Variants in ERC2 observed in about 807,000 individuals in gnomAD.
The protein encoded by ERC2 is ELKS/RAB6-interacting/CAST family member 2, also known as ERC protein 2.
Under a neutral mutation model 114.8 loss-of-function variants are expected in ERC2, and 42 were observed. That is an observed-to-expected ratio of 0.37 (90% CI 0.29 to 0.47). The LOEUF (loss-of-function observed/expected upper bound fraction) is 0.47, where lower values mean the gene tolerates loss of function less well. Ranked by LOEUF, ERC2 falls within the 20% of genes least tolerant of loss-of-function variation. The pLI, the probability that ERC2 is intolerant of heterozygous loss-of-function variation, is 0.99. For synonymous variants in ERC2, 454 were observed against 425.5 expected (o/e 1.07, Z -0.82); for missense variants, 939 against 1,150.7 (o/e 0.82, Z 2.66).
intron 4 of ERC2, among the ~76,000 whole-genome samples, chr3:56,166,380 C>G (rs898402281): frequency 1.3e-5 from 2 of 151,948 alleles, no homozygotes; most frequent in Admixed American, 1.3e-4. Flanking sequence ...ATGCTGGCCT[C>G]ATAAAACAAG....
intron 14 of ERC2, among the ~76,000 whole-genome samples, chr3:55,833,705 C>G (rs138857361): frequency 6.6e-6 from 1 of 152,018 alleles, no homozygotes; most frequent in Non-Finnish European, 1.5e-5. Context: ...CATCAACTAA[C>G]GAGCAAAATC....
At chr3:55,697,933 G>C (rs537082995) in intron 16 of ERC2, among the ~76,000 whole-genome samples, 9 of 152,130 alleles carry the variant, frequency 5.9e-5, no homozygotes, top group African/African-American at 2.2e-4. Context: ...AGTTGGTTTA[G>C]TTAGCAGGAT....
chr3:55,589,872 G>C (rs901622333), intron 17 of ERC2, among the ~76,000 whole-genome samples: 1 of 152,044 alleles, frequency 6.6e-6, no homozygotes, highest in South Asian at 2.1e-4. Flanking sequence ...GAGCACATGG[G>C]GGCAAAAATG....
At chr3:55,769,245 G>A (rs371437895) in intron 14 of ERC2, among the ~76,000 whole-genome samples, 2 of 152,178 alleles carry the variant, frequency 1.3e-5, no homozygotes, top group African/African-American at 4.8e-5. Context: ...AGACCTAAGT[G>A]GTTATCATCA....
At chr3:55,696,542 A>C (rs1294837095) in intron 16 of ERC2, among the ~76,000 whole-genome samples, 2 of 152,182 alleles carry the variant, frequency 1.3e-5, no homozygotes, top group Non-Finnish European at 2.9e-5. Flanking sequence ...TTTTTCTCCT[A>C]AGAAGAAACA....
chr3:56,288,395 C>T (rs2054863335), intron 3 of ERC2, among the ~76,000 whole-genome samples: 1 of 152,142 alleles, frequency 6.6e-6, no homozygotes, highest in Admixed American at 6.5e-5. Flanking sequence ...TCTCACTCCT[C>T]CCTGGTGCCT....
intron 3 of ERC2, among the ~76,000 whole-genome samples, chr3:56,227,459 G>C (rs955374013): frequency 3.3e-5 from 5 of 149,612 alleles, no homozygotes; most frequent in Non-Finnish European, 7.4e-5. Flanking sequence ...GCATGTGAAG[G>C]TCCCTCCCTA....
At chr3:56,195,449 G>A (rs1024082339) in intron 3 of ERC2, among the ~76,000 whole-genome samples, 2 of 151,830 alleles carry the variant, frequency 1.3e-5, no homozygotes, top group Non-Finnish European at 2.9e-5. Flanking sequence ...GGATAAGGGG[G>A]AACTACTATA....
At chr3:56,414,452 G>A (rs2061065973) in intron 2 of ERC2, among the ~76,000 whole-genome samples, 1 of 152,098 alleles carries the variant, frequency 6.6e-6, no homozygotes, top group Admixed American at 6.5e-5. Context: ...GTTGGGCACG[G>A]TGGCTCACAC....
chr3:56,231,854 T>A (rs2150178713), intron 3 of ERC2, among the ~76,000 whole-genome samples: 1 of 144,046 alleles, frequency 6.9e-6, no homozygotes, highest in South Asian at 2.2e-4. Flanking sequence ...ATCCCCTAGA[T>A]AAGAAAGGAA....
intron 4 of ERC2, among the ~76,000 whole-genome samples, chr3:56,161,420 T>C (rs1400094949): frequency 2.0e-5 from 3 of 152,228 alleles, no homozygotes; most frequent in African/African-American, 7.2e-5. Context: ...GAAAAGTTTT[T>C]TCTAGTTCTG....
chr3:55,840,686 CAT>C (rs1190100179), intron 14 of ERC2, among the ~76,000 whole-genome samples: 3 of 151,982 alleles, frequency 2.0e-5, no homozygotes, highest in Non-Finnish European at 2.9e-5. Context: ...GAGGAATGGT[CAT>C]AGTTATTTTA....
At position 55,964,956 on chromosome 3, in the gene ERC2, C is replaced by T. The variant is rs942690661; in HGVS notation, c.2268-14396G>A. Among the ~76,000 whole-genome samples the T allele has an allele frequency of 3.9e-4, 59 of 152,270 alleles. 1 individual carries two copies. The highest frequency in any genetic ancestry group is 1.3e-3 in the African/African-American group (55 of 41,552). The stretch of plus-strand genomic sequence containing the variant: ...TTCTACCTAAGCAGTTCATAACATG[C>T]CTGTTTGATTCTTTGAGGCTAGCAG... On this transcript the variant is annotated intron_variant, in intron 12 of 17. Transcript: ENST00000288221.
At chr3:55,553,157 G>T (rs1480471420) in intron 17 of ERC2, among the ~76,000 whole-genome samples, 1 of 150,862 alleles carries the variant, frequency 6.6e-6, no homozygotes, top group Non-Finnish European at 1.5e-5. Flanking sequence ...GAGTAGCTTG[G>T]ACTACAGGCA....
chr3:56,352,746 G>C (rs1194919845), intron 2 of ERC2, among the ~76,000 whole-genome samples: 1 of 152,114 alleles, frequency 6.6e-6, no homozygotes, highest in African/African-American at 2.4e-5. Flanking sequence ...ACTGGGGAAG[G>C]CTCCATTTCC....
chr3:55,879,155 G>A (rs1383305538), intron 14 of ERC2, among the ~76,000 whole-genome samples: 10 of 141,260 alleles, frequency 7.1e-5, no homozygotes, highest in African/African-American at 2.1e-4. Flanking sequence ...GGGAAGGAAC[G>A]AAAAAGAGCC....
chr3:55,945,882 T>G (rs189482939), intron 13 of ERC2, among the ~76,000 whole-genome samples: 1 of 152,160 alleles, frequency 6.6e-6, no homozygotes, highest in African/African-American at 2.4e-5. Flanking sequence ...GGCAATAAAT[T>G]GAAGAGAATT....
chr3:56,089,472 T>G (rs2077672527), intron 6 of ERC2, among the ~76,000 whole-genome samples: 2 of 152,158 alleles, frequency 1.3e-5, no homozygotes, highest in African/African-American at 4.8e-5. Context: ...AACATTGAAA[T>G]TAATTTTAAT....
intron 3 of ERC2, among the ~76,000 whole-genome samples, chr3:56,232,811 C>A (rs2050713495): frequency 6.6e-6 from 1 of 152,192 alleles, no homozygotes; most frequent in Admixed American, 6.5e-5. Flanking sequence ...CTTTGCTGCA[C>A]CTTCTACACA....
Sources: gnomAD v4.1 joint callset for allele counts (sites outside exome capture counted in the v4.1 genomes callset) on GRCh38, gnomAD v4.1.1 for gene constraint, MANE v1.5 for transcripts, NCBI Gene and HGNC (gene_info 2026-07-23, HGNC 2026-07-21) for gene names.